Variants in TYW1 observed in about 807,000 individuals in gnomAD.
TYW1 encodes the protein S-adenosyl-L-methionine-dependent tRNA 4-demethylwyosine synthase TYW1.
In TYW1, 46 loss-of-function variants were observed where a neutral mutation model predicts 96.2. That is an observed-to-expected ratio of 0.48 (90% CI 0.38 to 0.61). The LOEUF (loss-of-function observed/expected upper bound fraction) is 0.61, where lower values mean the gene tolerates loss of function less well. Among genes scored for constraint, TYW1 ranks in the 20% least tolerant of loss-of-function variants. The pLI is 0.00. For synonymous variants in TYW1, 274 were observed against 323.0 expected (o/e 0.85, Z 1.63); for missense variants, 684 against 909.6 (o/e 0.75, Z 3.19).
intron 14 of TYW1, among the ~76,000 whole-genome samples, chr7:67,186,264 T>TCCCCCC (rs1231641782): frequency 1.4e-5 from 1 of 69,792 alleles, no homozygotes; most frequent in African/African-American, 7.9e-5. Context: ...CCTTCCTTTC[T>TCCCCCC]TCCCCCCCGC....
chr7:67,193,464 A>T (rs1800285302), intron 14 of TYW1, among the ~76,000 whole-genome samples: 1 of 152,114 alleles, frequency 6.6e-6, no homozygotes. Context: ...GTTGGTTTTT[A>T]AAAATTAAGT....
intron 2 of TYW1, among the ~76,000 whole-genome samples, 165 bp from the exon 3 acceptor site, chr7:66,998,652 G>C (rs1408306825): frequency 6.6e-6 from 1 of 152,124 alleles, no homozygotes; most frequent in African/African-American, 2.4e-5. Context: ...ATTATACCAA[G>C]GGGCTAATAT....
intron 13 of TYW1, among the ~76,000 whole-genome samples, chr7:67,159,974 G>C (rs111334656): frequency 3.1e-5 from 4 of 129,680 alleles, no homozygotes; most frequent in Non-Finnish European, 6.3e-5. Flanking sequence ...CTAATGTTTT[G>C]TATTTTTTTT....
At chr7:67,019,766 A>G (rs531003123) in intron 6 of TYW1, among the ~76,000 whole-genome samples, 80 of 152,398 alleles carry the variant, frequency 5.2e-4, no homozygotes, top group African/African-American at 1.9e-3. Flanking sequence ...AAAGGGAACA[A>G]GGAGTGGTCG....
chr7:67,121,559 A>G (rs111899769), intron 13 of TYW1, among the ~76,000 whole-genome samples: 9,573 of 152,092 alleles, frequency 0.063, 415 homozygotes, highest in South Asian at 0.11. Flanking sequence ...ATATATTACA[A>G]TAAAAAATAA....
chr7:67,018,244 A>G (rs1216705366), intron 6 of TYW1, 101 bp downstream of exon 6: 2 of 1,462,646 alleles, frequency 1.4e-6, no homozygotes, highest in East Asian at 2.3e-5. Flanking sequence ...GCTTCTGGTT[A>G]GAAGGAAGAT....
chr7:67,183,859 G>C (rs1433005117), intron 14 of TYW1, among the ~76,000 whole-genome samples: 2 of 151,818 alleles, frequency 1.3e-5, no homozygotes, highest in Admixed American at 6.6e-5. Flanking sequence ...ACAAGGACTT[G>C]CTCTGTCACC....
chr7:67,079,629 A>G (rs1030367773), intron 10 of TYW1, among the ~76,000 whole-genome samples: 2 of 150,812 alleles, frequency 1.3e-5, no homozygotes, highest in African/African-American at 4.9e-5. Flanking sequence ...TTTCTGTTCT[A>G]GTAATTTTGG....
chr7:67,222,866 C>CTTTTTTTTTTT (rs570972265), intron 15 of TYW1, among the ~76,000 whole-genome samples: 11 of 109,626 alleles, frequency 1.0e-4, no homozygotes, highest in Non-Finnish European at 1.1e-4. Context: ...CGCTTTTTTT[C>CTTTTTTTTTTT]TTTTTTTTTT....
At chr7:67,071,645 G>C (rs1340463483) in intron 10 of TYW1, among the ~76,000 whole-genome samples, 1 of 151,492 alleles carries the variant, frequency 6.6e-6, no homozygotes, top group African/African-American at 2.4e-5. Context: ...TTTTGAGACA[G>C]AGTCTCGCTC....
At chr7:67,193,985 A>G (rs997168892) in intron 14 of TYW1, among the ~76,000 whole-genome samples, 9 of 152,078 alleles carry the variant, frequency 5.9e-5, no homozygotes, top group Non-Finnish European at 8.8e-5. Context: ...GAAAAGTTTG[A>G]TTTGTGGGTA....
chr7:67,061,510 C>T (rs888486872), intron 9 of TYW1, among the ~76,000 whole-genome samples: 2 of 152,158 alleles, frequency 1.3e-5, no homozygotes, highest in African/African-American at 4.8e-5. Flanking sequence ...GATTTTAGAT[C>T]TTACGTACAA....
At chr7:67,038,179 T>C (rs1022193666) in intron 7 of TYW1, among the ~76,000 whole-genome samples, 2 of 152,102 alleles carry the variant, frequency 1.3e-5, no homozygotes, top group Non-Finnish European at 1.5e-5. Flanking sequence ...GGCAGATGCA[T>C]GTAGTCCCAA....
intron 10 of TYW1, among the ~76,000 whole-genome samples, chr7:67,078,935 C>G (rs1796294456): frequency 6.6e-6 from 1 of 152,052 alleles, no homozygotes; most frequent in Non-Finnish European, 1.5e-5. Context: ...AATTCATGAT[C>G]CGCCCACCTT....
At chr7:67,095,254 C>A (rs1342018311) in intron 11 of TYW1, among the ~76,000 whole-genome samples, 3 of 152,076 alleles carry the variant, frequency 2.0e-5, no homozygotes, top group Non-Finnish European at 4.4e-5. Context: ...CCATCTCGGC[C>A]TCACTAAGTG....
In TYW1 at chr7:67,063,367, ACAAGTATGT is replaced by A. The variant is rs573953531; in HGVS notation, c.1156-3916_1156-3908del. On this transcript the variant is annotated intron_variant, in intron 9 of 15. Transcript: ENST00000359626. Reference sequence around the variant, plus strand: ...CTTTTCCCATTAGATTGGGAACAAGACAAGTATGTCTGTGTTCACCACTCCTGTTTTACA... The same window carrying A: ...CTTTTCCCATTAGATTGGGAACAAGACTGTGTTCACCACTCCTGTTTTACA... 3.0e-4 allele frequency among the ~76,000 whole-genome samples: 45 copies of A among 152,380 alleles called. No homozygotes were observed. The South Asian group carries it at 8.9e-3, about 30-fold the overall frequency.
chr7:67,201,826 T>C (rs1177090326), intron 15 of TYW1, among the ~76,000 whole-genome samples: 1 of 152,172 alleles, frequency 6.6e-6, no homozygotes, highest in Non-Finnish European at 1.5e-5. Flanking sequence ...CCTCAATAGC[T>C]TTTTCACAAG....
chr7:67,062,731 C>T (rs911452201), intron 9 of TYW1, among the ~76,000 whole-genome samples: 22 of 151,964 alleles, frequency 1.4e-4, no homozygotes, highest in African/African-American at 4.6e-4. Flanking sequence ...CCTCAAAAAC[C>T]GTAACTTATT....
At chr7:67,224,176 G>C (rs1226829518) in intron 15 of TYW1, among the ~76,000 whole-genome samples, 1 of 152,204 alleles carries the variant, frequency 6.6e-6, no homozygotes, top group Non-Finnish European at 1.5e-5. Flanking sequence ...TGCCCAGGCT[G>C]GAGTGCAATG....
Sources: allele counts gnomAD v4.1 joint callset (sites outside exome capture counted in the v4.1 genomes callset), GRCh38; gene constraint gnomAD v4.1.1; transcripts MANE v1.5; gene names NCBI Gene and HGNC (gene_info 2026-07-23, HGNC 2026-07-21).